The following SUSD5 variants were observed in gnomAD, a reference collection of about 807,000 sequenced individuals.
SUSD5 encodes sushi domain-containing protein 5.
A neutral mutation model predicts 29.5 loss-of-function variants in SUSD5; 33 were observed. That is an observed-to-expected ratio of 1.12 (90% CI 0.85 to 1.49). SUSD5 has a LOEUF of 1.49. SUSD5 is among the 40% of genes most tolerant of loss of function. The pLI, the probability that SUSD5 is intolerant of heterozygous loss-of-function variation, is 0.00. For synonymous variants in SUSD5, 308 were observed against 325.3 expected, an observed-to-expected ratio of 0.95 and a Z score of 0.57; for missense variants, 776 against 800.6, an observed-to-expected ratio of 0.97 and a Z score of 0.37.
chr3:33,199,750 G>A (rs1379483950), intron 3 of SUSD5, among the ~76,000 whole-genome samples: 1 of 152,082 alleles, frequency 6.6e-6, no homozygotes, highest in Admixed American at 6.5e-5. Flanking sequence ...TTTGGAAGTG[G>A]GACTTTTGGG....
chr3:33,184,669 C>T (rs1381830203), intron 3 of SUSD5, among the ~76,000 whole-genome samples: 2 of 152,130 alleles, frequency 1.3e-5, no homozygotes, highest in Non-Finnish European at 1.5e-5. Flanking sequence ...ATATCTTCAA[C>T]CGCAGATATT....
chr3:33,202,555 G>C (rs1427809615), intron 3 of SUSD5, among the ~76,000 whole-genome samples: 2 of 152,174 alleles, frequency 1.3e-5, no homozygotes, highest in East Asian at 1.9e-4. Context: ...ACCTGTCTTA[G>C]ATGGGGAGAA....
At chr3:33,174,291 CAA>C (rs943515911) in intron 4 of SUSD5, among the ~76,000 whole-genome samples, 24 of 152,142 alleles carry the variant, frequency 1.6e-4, no homozygotes, top group African/African-American at 5.8e-4. Context: ...GCTTTCCTCC[CAA>C]GATTGCTCAG....
At chr3:33,197,124 C>CA (rs1559454312) in intron 3 of SUSD5, among the ~76,000 whole-genome samples, 4 of 151,702 alleles carry the variant, frequency 2.6e-5, no homozygotes, top group African/African-American at 9.7e-5. Flanking sequence ...GCCTCAGGGT[C>CA]AAAAAAAGTG....
At position 33,183,841 on chromosome 3, in the gene SUSD5, T is replaced by C. The variant is rs985525713; in HGVS notation, c.410-8767A>G. On this transcript the variant is annotated intron_variant, in intron 3 of 4. Coordinates refer to ENST00000309558, the MANE Select transcript of SUSD5 (RefSeq NM_015551.2). ...GTTTGAGAAAGCCTTTATTTCTCTTTCACTTTTGAAGGACAATTTCTTAGG... is the reference window on the plus strand; with the variant it reads ...GTTTGAGAAAGCCTTTATTTCTCTTCCACTTTTGAAGGACAATTTCTTAGG... Among the ~76,000 whole-genome samples, 36 of 152,104 alleles carry C rather than the reference T, an allele frequency of 2.4e-4. 1 individual carries two copies. The highest frequency in any genetic ancestry group is 2.2e-3 in the Admixed American group (33 of 15,276).
intron 3 of SUSD5, among the ~76,000 whole-genome samples, chr3:33,187,148 G>A (rs2125625205): frequency 6.6e-6 from 1 of 152,268 alleles, no homozygotes; most frequent in African/African-American, 2.4e-5. Flanking sequence ...TCTACTGGAA[G>A]GCTGTTCAGC....
intron 1 of SUSD5, among the ~76,000 whole-genome samples, chr3:33,216,975 A>G (rs909808036): frequency 6.6e-6 from 1 of 152,210 alleles, no homozygotes; most frequent in African/African-American, 2.4e-5. Context: ...AAGAAAAGGA[A>G]TCATTTCTGG....
At chr3:33,185,282 G>A (rs2031754624) in intron 3 of SUSD5, among the ~76,000 whole-genome samples, 1 of 152,118 alleles carries the variant, frequency 6.6e-6, no homozygotes, top group South Asian at 2.1e-4. Context: ...AATATTCTGG[G>A]GTATTTCAAA....
chr3:33,213,243 C>G (rs1452995311), intron 2 of SUSD5, among the ~76,000 whole-genome samples: 1 of 151,510 alleles, frequency 6.6e-6, no homozygotes, highest in East Asian at 1.9e-4. Context: ...TTTTTTACCT[C>G]TATAAAAAAA....
intron 3 of SUSD5, among the ~76,000 whole-genome samples, chr3:33,203,628 A>G (rs2032160731): frequency 6.6e-6 from 1 of 152,190 alleles, no homozygotes; most frequent in Non-Finnish European, 1.5e-5. Flanking sequence ...TGCCTCATCT[A>G]AAGCATGCAG....
intron 3 of SUSD5, among the ~76,000 whole-genome samples, chr3:33,189,723 T>G (rs2031853138): frequency 6.6e-6 from 1 of 152,156 alleles, no homozygotes; most frequent in African/African-American, 2.4e-5. Context: ...TACAGGGAAT[T>G]CTAATTAGAT....
Position 33,153,783 on chromosome 3 carries a change from TGAATCTGCGGG to T in SUSD5, c.838_848del (p.Pro280ThrfsTer16). On this transcript the variant is annotated frameshift_variant, in exon 5 of 5. Coordinates refer to ENST00000309558, the MANE Select transcript of SUSD5 (RefSeq NM_015551.2). LOFTEE classifies it low-confidence loss of function (END_TRUNC). ...GCTTCTGGAGCAGCCGTGATCCTGG[TGAATCTGCGGG>T]GACACTGCTCCCAGCACCAGGCAAG... The T allele has an allele frequency of 6.2e-7, 1 of 1,613,992 alleles. No homozygotes were observed. The highest frequency in any genetic ancestry group is 8.5e-7 in the Non-Finnish European group (1 of 1,179,884).
chr3:33,168,676 A>C (rs55756470), intron 4 of SUSD5: 3 of 809,846 alleles, frequency 3.7e-6, no homozygotes, highest in Non-Finnish European at 4.5e-6. Flanking sequence ...TTGAGACAGA[A>C]TCTCACTCCG....
intron 4 of SUSD5, among the ~76,000 whole-genome samples, chr3:33,171,627 T>C (rs4678497): frequency 0.41 from 61,909 of 151,946 alleles, 13,210 homozygotes; most frequent in East Asian, 0.72. Context: ...AATTTGAACC[T>C]GAGTTGTCAG....
At chr3:33,156,644 C>A (rs188266448) in intron 4 of SUSD5, among the ~76,000 whole-genome samples, 1 of 152,306 alleles carries the variant, frequency 6.6e-6, no homozygotes, top group Non-Finnish European at 1.5e-5. Flanking sequence ...ACTTAACTTT[C>A]AACTTCGGAA....
chr3:33,172,183 AC>A (rs1254548319), intron 4 of SUSD5, among the ~76,000 whole-genome samples: 15 of 3,134 alleles, frequency 4.8e-3, no homozygotes, highest in Non-Finnish European at 8.2e-3. Flanking sequence ...CTTGTAAAAC[AC>A]ACACACACAC....
chr3:33,154,162 T>C (rs2030994849), intron 4 of SUSD5, 129 bp from the exon 5 acceptor site: 2 of 760,464 alleles, frequency 2.6e-6, no homozygotes. Flanking sequence ...TCACAGATGA[T>C]ATGACTGTGT....
At chr3:33,174,322 G>A (rs1262705517) in intron 4 of SUSD5, among the ~76,000 whole-genome samples, 2 of 152,188 alleles carry the variant, frequency 1.3e-5, no homozygotes, top group Non-Finnish European at 1.5e-5. Flanking sequence ...GAACTCATAT[G>A]TGTGGTGTGG....
Position 33,153,455 on chromosome 3 carries a change from C to A in SUSD5, c.1177G>T (p.Asp393Tyr), listed in dbSNP as rs768617902. Reference sequence around the variant, plus strand: ...AGCCCTACTGACCCATCCCCTCTGTCCCCATCTTCTTCCTCTTCTGCCTCT... The same window carrying A: ...AGCCCTACTGACCCATCCCCTCTGTACCCATCTTCTTCCTCTTCTGCCTCT... ...KTEAEEEEDG[D>Y]RGDGSVGLDE... is the part of the protein sequence containing the mutation. Residue 393 changes from aspartate (D) to tyrosine (Y), a missense_variant, in exon 5 of 5, where the codon GAC (aspartate) becomes TAC (tyrosine). Coordinates refer to ENST00000309558, the MANE Select transcript of SUSD5 (RefSeq NM_015551.2). 6.2e-7 allele frequency: 1 copy of A among 1,614,112 alleles called. No individual in the cohort carries two copies. Among genetic ancestry groups the A allele is most frequent in the Non-Finnish European group, 8.5e-7 (1 of 1,180,018 alleles).
Sources: gnomAD v4.1 joint callset for allele counts (sites outside exome capture counted in the v4.1 genomes callset) on GRCh38, gnomAD v4.1.1 for gene constraint, MANE v1.5 for transcripts, NCBI Gene and HGNC (gene_info 2026-07-23, HGNC 2026-07-21) for gene names.